Variants in ANKFN1 observed in about 807,000 individuals in gnomAD.
ANKFN1 encodes ankyrin repeat and fibronectin type-III domain-containing protein 1.
In ANKFN1, 74 loss-of-function variants were observed where a neutral mutation model predicts 108.7. The observed-to-expected ratio is 0.68, with a 90% CI of 0.56 to 0.83. The LOEUF is 0.83. Among genes scored for constraint, ANKFN1 ranks in the 40% least tolerant of loss-of-function variants. The pLI is 0.00. For missense variants in ANKFN1, 1,505 were observed against 1,382.3 expected, an observed-to-expected ratio of 1.09 and a Z score of -1.41; for synonymous variants, 547 against 516.2, an observed-to-expected ratio of 1.06 and a Z score of -0.81.
chr17:56,088,174 T>C (rs1905350765), intron 4 of ANKFN1, among the ~76,000 whole-genome samples: 1 of 151,398 alleles, frequency 6.6e-6, no homozygotes, highest in Admixed American at 6.6e-5. Context: ...CTCTGTCTGG[T>C]AAACTGATTA....
At chr17:56,260,364 C>T (rs749947774) in intron 3 of ANKFN1, among the ~76,000 whole-genome samples, 5 of 151,990 alleles carry the variant, frequency 3.3e-5, no homozygotes, top group Non-Finnish European at 7.4e-5. Flanking sequence ...AAATTTAGTG[C>T]TCCTTGGAAT....
intron 4 of ANKFN1, among the ~76,000 whole-genome samples, chr17:56,053,819 G>T: frequency 6.6e-6 from 1 of 152,124 alleles, no homozygotes; most frequent in East Asian, 1.9e-4. Context: ...AGCATTTGAT[G>T]TTGGTTTTTA....
rs916211819 is a variant in ANKFN1, at chr17:56,055,995, G to GT, written c.288+9679dup. Among the ~76,000 whole-genome samples the GT allele has an allele frequency of 2.3e-4, 34 of 149,866 alleles. 1 individual carries two copies. The highest frequency in any genetic ancestry group is 2.1e-3 in the South Asian group (10 of 4,726). The stretch of plus-strand genomic sequence containing the variant: ...TTATTGATGTTGAGAATTTTTTCAT[G>GT]TTTTTTTTTCTTTTGCTGCTTATAT... On this transcript the variant is annotated intron_variant, in intron 4 of 12. Transcript: ENST00000635860.
intron 15 of ANKFN1, among the ~76,000 whole-genome samples, chr17:56,470,223 A>G (rs1158462765): frequency 6.6e-6 from 1 of 152,114 alleles, no homozygotes; most frequent in Non-Finnish European, 1.5e-5. Flanking sequence ...TGTCTTTGCT[A>G]TGGGAAATAA....
At chr17:56,078,081 A>G (rs1418773861) in intron 4 of ANKFN1, among the ~76,000 whole-genome samples, 1 of 152,164 alleles carries the variant, frequency 6.6e-6, no homozygotes, top group Non-Finnish European at 1.5e-5. Flanking sequence ...ATTTGTTTAG[A>G]TTCAAATTGC....
At chr17:56,503,411 A>G (rs1545261) in intron 20 of ANKFN1, among the ~76,000 whole-genome samples, 118,786 of 147,082 alleles carry the variant, frequency 0.81, 48,393 homozygotes, top group East Asian at 0.94. Flanking sequence ...GAAAGATTCA[A>G]TAAAAGTCTT....
chr17:56,138,926 C>T lies in ANKFN1; in HGVS notation c.289-88991C>T, dbSNP rs140385677. 4.9e-4 allele frequency among the ~76,000 whole-genome samples: 75 copies of T among 152,168 alleles called. 1 individual carries two copies. The highest frequency in any genetic ancestry group is 1.8e-3 in the African/African-American group (73 of 41,548). On this transcript the variant is annotated intron_variant, in intron 4 of 12. Transcript: ENST00000635860. ...TCAAGATTGAGGGAGAACAATTAAG[C>T]ACTCATGAGTTCAACCGTTTAGGCC...
intron 8 of ANKFN1, among the ~76,000 whole-genome samples, chr17:56,437,738 G>T (rs2048973627): frequency 6.6e-6 from 1 of 151,866 alleles, no homozygotes; most frequent in African/African-American, 2.4e-5. Context: ...AAAACATTTT[G>T]AAAAATGGAA....
At chr17:56,396,293 C>T (rs1598523030) in intron 8 of ANKFN1, among the ~76,000 whole-genome samples, 1 of 152,090 alleles carries the variant, frequency 6.6e-6, no homozygotes, top group Non-Finnish European at 1.5e-5. Flanking sequence ...ACTAAAAATA[C>T]AAAAATTAAC....
intron 4 of ANKFN1, among the ~76,000 whole-genome samples, chr17:56,063,328 A>G (rs973375444): frequency 2.0e-5 from 3 of 151,950 alleles, no homozygotes; most frequent in Non-Finnish European, 4.4e-5. Flanking sequence ...CTCCTGGATA[A>G]TATCCTGAAA....
At chr17:56,419,637 T>TA (rs747092576) in intron 8 of ANKFN1, among the ~76,000 whole-genome samples, 17 of 150,016 alleles carry the variant, frequency 1.1e-4, no homozygotes, top group Admixed American at 2.6e-4. Context: ...CCATGAAAAA[T>TA]AAAAAACAAA....
Position 56,456,857 on chromosome 17 carries a change from C to A in ANKFN1, c.1208-4C>A. 1 of 1,612,998 alleles carries A rather than the reference C, an allele frequency of 6.2e-7. No homozygotes were observed. The highest frequency in any genetic ancestry group is 8.5e-7 in the Non-Finnish European group (1 of 1,179,106). On this transcript the variant is annotated splice_region_variant and splice_polypyrimidine_tract_variant and intron_variant, in intron 11 of 20. Transcript: ENST00000682825. ...TATACTGTATTTTTTAAAATACATT[C>A]CAGAAAGCACAAAATTACAAACCAC... is the stretch of plus-strand genomic sequence containing the variant.
In ANKFN1 at chr17:56,146,878, C is replaced by T. The variant is rs190600818; in HGVS notation, c.289-81039C>T. Reference sequence around the variant, plus strand: ...TTTCTACAACCAGCTTGAATTTCTCCCCCAGAAAATGGGGTTTTCTTTTTT... The same window carrying T: ...TTTCTACAACCAGCTTGAATTTCTCTCCCAGAAAATGGGGTTTTCTTTTTT... On this transcript the variant is annotated intron_variant, in intron 4 of 12. Coordinates refer to the ANKFN1 transcript ENST00000635860. Among the ~76,000 whole-genome samples the T allele has an allele frequency of 2.6e-5, 4 of 152,314 alleles. No individual in the cohort carries two copies. In the East Asian group the frequency reaches 7.7e-4, roughly 29 times the overall value.
intron 8 of ANKFN1, among the ~76,000 whole-genome samples, chr17:56,434,827 G>T (rs2048881594): frequency 6.6e-6 from 1 of 151,942 alleles, no homozygotes. Context: ...GGCCTGAAAG[G>T]TTAGAAACTG....
At chr17:56,366,252 G>A (rs1409517922) in intron 6 of ANKFN1, among the ~76,000 whole-genome samples, 4 of 152,100 alleles carry the variant, frequency 2.6e-5, no homozygotes, top group African/African-American at 9.7e-5. Context: ...GTTTTCAGCT[G>A]TTATTACAAA....
chr17:56,414,519 C>T (rs1345965758), intron 8 of ANKFN1, among the ~76,000 whole-genome samples: 1 of 152,030 alleles, frequency 6.6e-6, no homozygotes, highest in East Asian at 1.9e-4. Context: ...AAACCAAATT[C>T]AACAATACAT....
At chr17:56,078,129 C>T (rs989306415) in intron 4 of ANKFN1, among the ~76,000 whole-genome samples, 3 of 152,172 alleles carry the variant, frequency 2.0e-5, no homozygotes, top group African/African-American at 7.2e-5. Context: ...TAGGCAGCAG[C>T]TCAAATCTCA....
intron 20 of ANKFN1, among the ~76,000 whole-genome samples, chr17:56,508,491 A>G (rs2051642025): frequency 6.6e-6 from 1 of 152,182 alleles, no homozygotes; most frequent in Admixed American, 6.5e-5. Context: ...AACTCATATA[A>G]TATCAAAACG....
At chr17:56,075,852 G>A (rs145935608) in intron 4 of ANKFN1, among the ~76,000 whole-genome samples, 2 of 152,134 alleles carry the variant, frequency 1.3e-5, no homozygotes, top group Non-Finnish European at 2.9e-5. Flanking sequence ...GACTGACCAT[G>A]TCAAGCACTG....
Sources: allele counts gnomAD v4.1 joint callset (sites outside exome capture counted in the v4.1 genomes callset), GRCh38; gene constraint gnomAD v4.1.1; transcripts MANE v1.5; gene names NCBI Gene and HGNC (gene_info 2026-07-23, HGNC 2026-07-21).